Variants in CPNE4 observed in about 807,000 individuals in gnomAD.
CPNE4 encodes copine 4, also known as copine-4.
A neutral mutation model predicts 67.9 loss-of-function variants in CPNE4; 25 were observed. The ratio of observed to expected loss-of-function variants is 0.37; its 90% CI spans 0.27 to 0.51. CPNE4 has a LOEUF of 0.51. CPNE4 is among the 20% of genes least tolerant of loss of function. CPNE4 has a pLI of 0.93. For synonymous variants in CPNE4, 242 were observed against 244.9 expected (o/e 0.99, Z 0.11); for missense variants, 464 against 690.8 (o/e 0.67, Z 3.68).
At chr3:131,536,254 C>A (rs1468327884) in intron 15 of CPNE4, among the ~76,000 whole-genome samples, 1 of 152,076 alleles carries the variant, frequency 6.6e-6, no homozygotes. Flanking sequence ...GGGGTAGGGG[C>A]ACAGGAGGAC....
intron 8 of CPNE4, among the ~76,000 whole-genome samples, chr3:131,583,536 A>G (rs1479609608): frequency 1.3e-5 from 2 of 152,226 alleles, no homozygotes; most frequent in Non-Finnish European, 2.9e-5. Flanking sequence ...AGCAGGATAT[A>G]TTGAGTTAAA....
intron 2 of CPNE4, among the ~76,000 whole-genome samples, chr3:131,734,192 C>T (rs2082186332): frequency 1.3e-5 from 2 of 152,176 alleles, no homozygotes; most frequent in African/African-American, 2.4e-5. Flanking sequence ...AGGGAGGAGC[C>T]CTTCACCCTA....
chr3:131,827,077 T>C (rs564085380), intron 2 of CPNE4, among the ~76,000 whole-genome samples: 6 of 152,112 alleles, frequency 3.9e-5, no homozygotes, highest in African/African-American at 1.4e-4. Flanking sequence ...ACAAAACAAC[T>C]TCAGTCTCAG....
chr3:131,627,193 C>CAAAAAAAAAAA (rs57977015), intron 7 of CPNE4, among the ~76,000 whole-genome samples: 4 of 68,382 alleles, frequency 5.8e-5, no homozygotes, highest in African/African-American at 1.2e-4. Flanking sequence ...GACTCCATCT[C>CAAAAAAAAAAA]AAAAAAAAAA....
chr3:131,919,106 C>A (rs1286601784), intron 1 of CPNE4, among the ~76,000 whole-genome samples: 1 of 152,090 alleles, frequency 6.6e-6, no homozygotes, highest in Non-Finnish European at 1.5e-5. Context: ...TAAATAAATG[C>A]CTGCTGGATT....
chr3:131,725,999 T>C (rs1160562978), intron 2 of CPNE4, among the ~76,000 whole-genome samples: 1 of 152,212 alleles, frequency 6.6e-6, no homozygotes, highest in Non-Finnish European at 1.5e-5. Flanking sequence ...AGAGATTTAA[T>C]TATATTTATA....
intron 1 of CPNE4, among the ~76,000 whole-genome samples, chr3:131,947,078 C>G (rs1185909462): frequency 1.3e-5 from 2 of 152,186 alleles, no homozygotes; most frequent in African/African-American, 4.8e-5. Flanking sequence ...ACCCTTGCAA[C>G]AATTTCACAC....
chr3:131,715,971 C>T (rs572408578), intron 3 of CPNE4, among the ~76,000 whole-genome samples: 96 of 152,248 alleles, frequency 6.3e-4, no homozygotes, highest in Admixed American at 1.7e-3. Context: ...TACCCTATGT[C>T]CTCGTGATGC....
At chr3:131,977,320 CAAG>C (rs2072688117) in intron 1 of CPNE4, among the ~76,000 whole-genome samples, 1 of 152,080 alleles carries the variant, frequency 6.6e-6, no homozygotes, top group Non-Finnish European at 1.5e-5. Context: ...ATGATTAGTC[CAAG>C]CAAGACACCA....
chr3:131,752,775 A>T (rs1411277504), intron 2 of CPNE4, among the ~76,000 whole-genome samples: 1 of 152,182 alleles, frequency 6.6e-6, no homozygotes, highest in Non-Finnish European at 1.5e-5. Flanking sequence ...TATGCAAATC[A>T]TACCAAGATT....
chr3:131,774,277 C>T (rs1045969154), intron 2 of CPNE4, among the ~76,000 whole-genome samples: 1 of 151,098 alleles, frequency 6.6e-6, no homozygotes, highest in African/African-American at 2.4e-5. Context: ...GCCAAAAATA[C>T]AGCAGGGGAA....
chr3:131,549,155 T>C (rs1936035197), intron 14 of CPNE4, among the ~76,000 whole-genome samples: 1 of 152,120 alleles, frequency 6.6e-6, no homozygotes, highest in Non-Finnish European at 1.5e-5. Flanking sequence ...GGTAGGAGCA[T>C]GGTCCTCCAT....
At chr3:131,924,436 G>A (rs1214096322) in intron 1 of CPNE4, among the ~76,000 whole-genome samples, 2 of 152,044 alleles carry the variant, frequency 1.3e-5, no homozygotes, top group African/African-American at 2.4e-5. Context: ...ACAGGAGAGT[G>A]AAAGGATCTA....
rs5852659 is a variant in CPNE4 at position 131,861,402 on chromosome 3, T to TTGTGTGTG, written c.180+43854_180+43861dup. 3.6e-4 allele frequency among the ~76,000 whole-genome samples: 52 copies of TTGTGTGTG among 144,542 alleles called. 1 individual carries two copies. The highest frequency in any genetic ancestry group is 1.3e-3 in the African/African-American group (50 of 37,848). The allele number at this position is 144,542 out of a possible 152,430, so 94.8% of individuals were successfully genotyped here. A position where few individuals can be genotyped will look rare whatever the true frequency, so the allele number is the denominator to read the frequency against. On this transcript the variant is annotated intron_variant, in intron 2 of 15. Coordinates refer to ENST00000429747, the MANE Select transcript of CPNE4 (RefSeq NM_130808.3). The stretch of plus-strand genomic sequence containing the variant: ...ACTCTGAGTTTAGAATATCTCATCT[T>TTGTGTGTG]TGTGTGTGTGTGTGTGTGTGTGTGT...
intron 1 of CPNE4, among the ~76,000 whole-genome samples, chr3:131,917,485 C>T (rs535168639): frequency 7.2e-5 from 11 of 152,218 alleles, no homozygotes; most frequent in Non-Finnish European, 1.2e-4. Flanking sequence ...GGAGGAAAGC[C>T]ACTACAGACA....
At chr3:131,718,121 A>C (rs917472147) in intron 3 of CPNE4, among the ~76,000 whole-genome samples, 7 of 151,716 alleles carry the variant, frequency 4.6e-5, no homozygotes, top group African/African-American at 1.7e-4. Flanking sequence ...CAGCCTTTCA[A>C]GTAGCTGGAA....
chr3:131,586,357 G>A (rs7638676), intron 8 of CPNE4, among the ~76,000 whole-genome samples: 5,140 of 152,170 alleles, frequency 0.034, 261 homozygotes, highest in African/African-American at 0.11. Flanking sequence ...ATAGAGGAGT[G>A]AGAAATTAGA....
At chr3:131,566,717 A>G (rs1358590807) in intron 10 of CPNE4, among the ~76,000 whole-genome samples, 1 of 151,920 alleles carries the variant, frequency 6.6e-6, no homozygotes, top group South Asian at 2.1e-4. Flanking sequence ...CACAGACACC[A>G]TTCTCAGCCT....
intron 3 of CPNE4, among the ~76,000 whole-genome samples, chr3:131,721,185 T>G (rs1282199150): frequency 6.6e-6 from 1 of 152,104 alleles, no homozygotes; most frequent in Non-Finnish European, 1.5e-5. Context: ...AAGGATTATG[T>G]TTTTTGGCTC....
Sources: allele counts gnomAD v4.1 joint callset (sites outside exome capture counted in the v4.1 genomes callset), GRCh38; gene constraint gnomAD v4.1.1; transcripts MANE v1.5; gene names NCBI Gene and HGNC (gene_info 2026-07-23, HGNC 2026-07-21).